The following NBPF3 variants were observed in gnomAD, a reference collection of about 807,000 sequenced individuals.
The protein encoded by NBPF3 is NBPF family member NBPF3.
In NBPF3, 57 loss-of-function variants were observed where a neutral mutation model predicts 78.1. The ratio of observed to expected loss-of-function variants is 0.73; its 90% CI spans 0.59 to 0.91. The LOEUF is 0.91. Ranked by LOEUF, NBPF3 falls within the 40% of genes least tolerant of loss-of-function variation. The probability of loss-of-function intolerance (pLI) is 0.00; values close to 1 mark genes in which losing one functional copy is unlikely to be tolerated. For missense variants in NBPF3, 510 were observed against 715.3 expected (o/e 0.71, Z 3.27); for synonymous variants, 182 against 271.7 (o/e 0.67, Z 3.25).
intron 7 of NBPF3, among the ~76,000 whole-genome samples, chr1:21,473,819 G>A (rs1249010869): frequency 6.6e-6 from 1 of 152,218 alleles, no homozygotes; most frequent in Non-Finnish European, 1.5e-5. Context: ...TCACCTGAGT[G>A]CAGGAGGTAC....
chr1:21,445,315 A>G (rs1320678847), intron 2 of NBPF3, 96 bp downstream of exon 2: 3 of 1,363,782 alleles, frequency 2.2e-6, no homozygotes, highest in East Asian at 2.3e-5. Flanking sequence ...GTCCCTAAAC[A>G]TTGCAGGGCC....
chr1:21,452,498 A>T (rs1641368513), intron 2 of NBPF3, among the ~76,000 whole-genome samples: 1 of 152,240 alleles, frequency 6.6e-6, no homozygotes, highest in Admixed American at 6.5e-5. Flanking sequence ...TACAGGGGAG[A>T]TAGTGGAACA....
intron 1 of NBPF3, among the ~76,000 whole-genome samples, 199 bp from the exon 2 acceptor site, chr1:21,444,749 C>T (rs1425664256): frequency 2.0e-5 from 3 of 152,030 alleles, no homozygotes; most frequent in Non-Finnish European, 4.4e-5. Flanking sequence ...TTTTCCAAGA[C>T]GGGGTCTTAC....
In NBPF3 at chr1:21,476,443, C is replaced by T. The variant is rs1352402652; in HGVS notation, c.992+1492C>T. On this transcript the variant is annotated intron_variant, in intron 8 of 14. Coordinates refer to ENST00000318249, the MANE Select transcript of NBPF3 (RefSeq NM_032264.6). The surrounding 1 kb of genome is among the most constrained non-coding windows in gnomAD (Gnocchi z 4.1). ...TTGTTCCTTTCCATGTTTAGTGCTT[C>T]CTTCAGGAGCTCTTGCAAGGCAGGC... Among the ~76,000 whole-genome samples, 2 of 152,170 alleles carry T rather than the reference C, an allele frequency of 1.3e-5. No individual in the cohort carries two copies. The highest frequency in any genetic ancestry group is 2.9e-5 in the Non-Finnish European group (2 of 68,040).
rs1218400317 is a variant in NBPF3, at chr1:21,471,554, A to G, written c.447-15A>G. On this transcript the variant is annotated splice_polypyrimidine_tract_variant and intron_variant, in intron 4 of 14. Coordinates refer to ENST00000318249, the MANE Select transcript of NBPF3 (RefSeq NM_032264.6). ...CCCTTTCCACTGTTAAATTTTCTCTACTATCTCACCTTAGGCAATATAAAG... is the reference window on the plus strand; with the variant it reads ...CCCTTTCCACTGTTAAATTTTCTCTGCTATCTCACCTTAGGCAATATAAAG... The G allele has an allele frequency of 5.0e-6, 8 of 1,611,680 alleles. No individual in the cohort carries two copies. The highest frequency in any genetic ancestry group is 6.8e-6 in the Non-Finnish European group (8 of 1,179,750).
intron 1 of NBPF3, among the ~76,000 whole-genome samples, chr1:21,443,212 G>T (rs1421305919): frequency 6.6e-6 from 1 of 152,168 alleles, no homozygotes; most frequent in Non-Finnish European, 1.5e-5. Flanking sequence ...TAAGTGCATA[G>T]AGCAGATGGA....
chr1:21,455,253 C>T (rs557775622), intron 2 of NBPF3, among the ~76,000 whole-genome samples: 4 of 152,316 alleles, frequency 2.6e-5, no homozygotes, highest in Admixed American at 1.3e-4. Context: ...TTTGGGATCT[C>T]GATTACATCT....
chr1:21,473,943 C>G (rs10799694), intron 7 of NBPF3, among the ~76,000 whole-genome samples: 101,959 of 152,130 alleles, frequency 0.67, 35,374 homozygotes, highest in South Asian at 0.87. Context: ...TTTAAGGCGA[C>G]TGGCAGCCTT....
chr1:21,469,024 G>A (rs1249632227), intron 3 of NBPF3, 127 bp downstream of exon 3: 8 of 779,178 alleles, frequency 1.0e-5, no homozygotes, highest in Non-Finnish European at 1.7e-5. Flanking sequence ...ATAGAAATGG[G>A]CATTTTCACA....
At chr1:21,458,363 G>A (rs1328211770) in intron 2 of NBPF3, among the ~76,000 whole-genome samples, 1 of 135,200 alleles carries the variant, frequency 7.4e-6, no homozygotes, top group Non-Finnish European at 1.6e-5. Context: ...TAAGGGCATG[G>A]GCTTTTTTTT....
intron 2 of NBPF3, 87 bp downstream of exon 2, chr1:21,445,306 T>C (rs1336384117): frequency 6.9e-7 from 1 of 1,445,484 alleles, no homozygotes; most frequent in Non-Finnish European, 9.5e-7. Context: ...GATGTCAAGG[T>C]CCCTAAACAT....
At chr1:21,445,521 C>A (rs1394903796) in intron 2 of NBPF3, among the ~76,000 whole-genome samples, 1 of 149,436 alleles carries the variant, frequency 6.7e-6, no homozygotes, top group African/African-American at 2.5e-5. Context: ...CCCTCTCACC[C>A]CCCATTCTCT....
intron 2 of NBPF3, among the ~76,000 whole-genome samples, chr1:21,457,309 A>G (rs990250083): frequency 1.3e-5 from 2 of 150,912 alleles, no homozygotes; most frequent in African/African-American, 4.9e-5. Context: ...AGGAGATATC[A>G]TATTTATTTC....
At chr1:21,468,415 T>G in intron 2 of NBPF3, 2 of 1,346,738 alleles carry the variant, frequency 1.5e-6, no homozygotes, top group Non-Finnish European at 1.9e-6. Context: ...CACCCCCACC[T>G]TCTAATTCTG....
In NBPF3 at chr1:21,466,759, A is replaced by T. The variant is rs868316807; in HGVS notation, c.134-1929A>T. On this transcript the variant is annotated intron_variant, in intron 2 of 14. Coordinates refer to ENST00000318249, the MANE Select transcript of NBPF3 (RefSeq NM_032264.6). Reference sequence around the variant, plus strand: ...CCAAAAAAAAAAAGGAAATATGTCCAAATACATGATTTGCTATCCCTCCTC... The same window carrying T: ...CCAAAAAAAAAAAGGAAATATGTCCTAATACATGATTTGCTATCCCTCCTC... Among the ~76,000 whole-genome samples, 74 of 152,304 alleles carry T rather than the reference A, an allele frequency of 4.9e-4. No homozygotes were observed. In the Middle Eastern group the frequency reaches 0.02, roughly 42 times the overall value.
chr1:21,449,975 G>C (rs1186690941), intron 2 of NBPF3: 1 of 185,910 alleles, frequency 5.4e-6, no homozygotes, highest in African/African-American at 2.4e-5. Context: ...AGAGGAATTA[G>C]CATCCATGTA....
At chr1:21,479,812 C>CTGTGTG (rs1273329681) in intron 10 of NBPF3, among the ~76,000 whole-genome samples, 9 of 31,126 alleles carry the variant, frequency 2.9e-4, no homozygotes, top group African/African-American at 6.0e-4. Context: ...CTCTCTCTCT[C>CTGTGTG]TCTCTCTCTG....
chr1:21,466,962 A>G (rs778742002), intron 2 of NBPF3: 2 of 981,004 alleles, frequency 2.0e-6, no homozygotes, highest in Non-Finnish European at 2.4e-6. Context: ...ATGAATAATT[A>G]CTGAATAATT....
chr1:21,478,422 A>T (rs939370989), intron 9 of NBPF3, 115 bp downstream of exon 9: 123 of 1,151,946 alleles, frequency 1.1e-4, no homozygotes, highest in Non-Finnish European at 1.5e-4. Context: ...TGTGGGTGGA[A>T]CCTATATATC....
Sources: allele counts gnomAD v4.1 joint callset (sites outside exome capture counted in the v4.1 genomes callset), GRCh38; gene constraint gnomAD v4.1.1; non-coding constraint Gnocchi (gnomAD v3.1); transcripts MANE v1.5; gene names NCBI Gene and HGNC (gene_info 2026-07-23, HGNC 2026-07-21).